PRSS12: variants seen among roughly 807,000 people sequenced by gnomAD.
PRSS12 encodes the protein neurotrypsin.
PRSS12 carries 85 observed loss-of-function variants against 104.4 expected under a neutral mutation model. The ratio of observed to expected loss-of-function variants is 0.81; its 90% CI spans 0.68 to 0.98. The LOEUF (loss-of-function observed/expected upper bound fraction) is 0.98, where lower values mean the gene tolerates loss of function less well. Ranked by LOEUF, PRSS12 falls within the 50% of genes least tolerant of loss-of-function variation. PRSS12 has a pLI of 0.00. For synonymous variants in PRSS12, 454 were observed against 425.2 expected (o/e 1.07, Z -0.83); for missense variants, 1,141 against 1,139.2 (o/e 1.00, Z -0.02).
At chr4:118,344,831 G>A (rs1387322086) in intron 1 of PRSS12, among the ~76,000 whole-genome samples, 1 of 152,094 alleles carries the variant, frequency 6.6e-6, no homozygotes, top group Non-Finnish European at 1.5e-5. Context: ...CCATGGTTAA[G>A]CTATAGTAGG....
At chr4:118,284,075 T>C (rs529107018) in intron 11 of PRSS12, among the ~76,000 whole-genome samples, 11 of 152,298 alleles carry the variant, frequency 7.2e-5, no homozygotes, top group Admixed American at 2.6e-4. Context: ...ATGATTCTGA[T>C]ACCAAACCCA....
chr4:118,313,164 G>C, intron 7 of PRSS12, 37 bp downstream of exon 7: 1 of 1,607,900 alleles, frequency 6.2e-7, no homozygotes, highest in Non-Finnish European at 8.5e-7. Context: ...AATGGCTACT[G>C]AATGATGGAA....
At position 118,282,261 on chromosome 4, in the gene PRSS12, C is replaced by G; in HGVS notation, c.2321-18G>C. 2 of 1,614,028 alleles carry G rather than the reference C, an allele frequency of 1.2e-6. No individual in the cohort carries two copies. Among genetic ancestry groups the G allele is most frequent in the Non-Finnish European group, 1.7e-6 (2 of 1,179,966 alleles). On this transcript the variant is annotated intron_variant, in intron 12 of 12. Transcript: ENST00000296498. Reference sequence around the variant, plus strand: ...GGCTCGTCCTACTCAGACCAAACATCTGATTAGTGGCATTCCAGATAACCA... The same window carrying G: ...GGCTCGTCCTACTCAGACCAAACATGTGATTAGTGGCATTCCAGATAACCA...
At position 118,350,808 on chromosome 4, in the gene PRSS12, C is replaced by T. The variant is rs148218913; in HGVS notation, c.502+1411G>A. On this transcript the variant is annotated intron_variant, in intron 1 of 12. Transcript: ENST00000296498. ...TTAAATTACTTTTCTTGAGTCTGTGCTTATGTACTTAAAGAGAAGTTGTAT... is the reference window on the plus strand; with the variant it reads ...TTAAATTACTTTTCTTGAGTCTGTGTTTATGTACTTAAAGAGAAGTTGTAT... 2.6e-5 allele frequency among the ~76,000 whole-genome samples: 4 copies of T among 152,278 alleles called. No homozygotes were observed. In the East Asian group the frequency reaches 5.8e-4, roughly 22 times the overall value.
intron 11 of PRSS12, among the ~76,000 whole-genome samples, chr4:118,292,786 G>A (rs796978115): frequency 9.2e-5 from 14 of 152,008 alleles, no homozygotes; most frequent in South Asian, 2.1e-4. Context: ...GAAGCAAGGC[G>A]GGCAGATCAC....
intron 9 of PRSS12, 35 bp from the exon 10 acceptor site, chr4:118,295,891 C>T: frequency 1.3e-6 from 2 of 1,560,154 alleles, no homozygotes; most frequent in South Asian, 2.2e-5. Context: ...TAAACTATCA[C>T]ATTGCTGACA....
intron 11 of PRSS12, among the ~76,000 whole-genome samples, chr4:118,285,075 A>AC (rs902426310): frequency 9.2e-5 from 14 of 152,308 alleles, no homozygotes; most frequent in Middle Eastern, 3.4e-3. Flanking sequence ...TATATGATTA[A>AC]CTGTCAGCGC....
At chr4:118,312,214 T>C (rs927140565) in intron 7 of PRSS12, among the ~76,000 whole-genome samples, 3 of 152,160 alleles carry the variant, frequency 2.0e-5, no homozygotes, top group Non-Finnish European at 2.9e-5. Flanking sequence ...ATATGGTTAA[T>C]ACTCTGAGGT....
intron 8 of PRSS12, among the ~76,000 whole-genome samples, chr4:118,300,488 ATAAAT>A (rs1433015029): frequency 1.9e-4 from 29 of 152,214 alleles, no homozygotes; most frequent in African/African-American, 7.0e-4. Flanking sequence ...TCAATTTCTG[ATAAAT>A]TAATGAAATA....
intron 12 of PRSS12, 149 bp downstream of exon 12, chr4:118,282,682 G>C: frequency 9.5e-7 from 1 of 1,057,116 alleles, no homozygotes; most frequent in Admixed American, 1.7e-5. Flanking sequence ...CAGAATATAA[G>C]TCTCAATTAC....
intron 1 of PRSS12, among the ~76,000 whole-genome samples, chr4:118,338,715 T>C (rs1724123451): frequency 6.6e-6 from 1 of 152,184 alleles, no homozygotes; most frequent in Non-Finnish European, 1.5e-5. Context: ...TTATCATTTA[T>C]TACCTTCCTC....
chr4:118,300,442 GAAAT>G (rs1207462315), intron 8 of PRSS12, among the ~76,000 whole-genome samples: 1 of 152,040 alleles, frequency 6.6e-6, no homozygotes, highest in Non-Finnish European at 1.5e-5. Context: ...ATATTTAAAT[GAAAT>G]AAATATTTCA....
At chr4:118,338,759 C>A (rs572974720) in intron 1 of PRSS12, among the ~76,000 whole-genome samples, 3 of 152,162 alleles carry the variant, frequency 2.0e-5, no homozygotes, top group South Asian at 2.1e-4. Context: ...AACACAGAAA[C>A]AAAATTAAAT....
intron 8 of PRSS12, among the ~76,000 whole-genome samples, chr4:118,307,691 A>G (rs939205110): frequency 6.6e-6 from 1 of 152,040 alleles, no homozygotes; most frequent in African/African-American, 2.4e-5. Flanking sequence ...CTCCTCTCAC[A>G]CTGTAAACAA....
intron 7 of PRSS12, among the ~76,000 whole-genome samples, chr4:118,312,608 T>G (rs1743774799): frequency 6.6e-6 from 1 of 152,060 alleles, no homozygotes; most frequent in South Asian, 2.1e-4. Flanking sequence ...CCAAAAAGTC[T>G]AAAAAAATGT....
rs188753205 is a variant in PRSS12 at position 118,285,386 on chromosome 4, T to G, written c.2040-2275A>C. 5.3e-3 allele frequency among the ~76,000 whole-genome samples: 802 copies of G among 152,358 alleles called. 14 individuals are homozygous for G. The highest frequency in any genetic ancestry group is 0.018 in the African/African-American group (759 of 41,582). On this transcript the variant is annotated intron_variant, in intron 11 of 12. Transcript: ENST00000296498. Reference sequence around the variant, plus strand: ...GTGTGCTAGTAATATCGCTAGTATATTCATTAAATTTTATTAACAGTACAT... The same window carrying G: ...GTGTGCTAGTAATATCGCTAGTATAGTCATTAAATTTTATTAACAGTACAT...
At position 118,331,789 on chromosome 4, in the gene PRSS12, G is replaced by A. The variant is rs1359846350; in HGVS notation, c.898C>T (p.Gln300Ter). 6.2e-7 allele frequency: 1 copy of A among 1,614,034 alleles called. No homozygotes were observed. The highest frequency in any genetic ancestry group is 8.5e-7 in the Non-Finnish European group (1 of 1,180,038). Residue 300 changes from glutamine to a stop codon, truncating the protein, a stop_gained, in exon 4 of 13, where the codon CAG becomes TAG. Transcript: ENST00000296498. LOFTEE classifies it high-confidence loss of function. ...TGGTCATCACAAACGGTTCCCCACTGGCCAGCATGGTAGAGCTCCACCCGG... is the reference window on the plus strand; with the variant it reads ...TGGTCATCACAAACGGTTCCCCACTAGCCAGCATGGTAGAGCTCCACCCGG... Reference protein sequence around the residue: ...EGRVELYHAGQWGTVCDDQWD... With the variant: ...EGRVELYHAG
intron 1 of PRSS12, among the ~76,000 whole-genome samples, chr4:118,339,989 T>C (rs1724159902): frequency 6.6e-6 from 1 of 152,214 alleles, no homozygotes; most frequent in Non-Finnish European, 1.5e-5. Context: ...ATAGTTCTAG[T>C]AATGAAAACA....
intron 4 of PRSS12, among the ~76,000 whole-genome samples, chr4:118,329,043 C>T (rs1723853951): frequency 1.3e-5 from 2 of 152,226 alleles, no homozygotes; most frequent in East Asian, 1.9e-4. Context: ...CCACCCACCT[C>T]GGCCTCCCAA....
Sources: gnomAD v4.1 joint callset for allele counts (sites outside exome capture counted in the v4.1 genomes callset) on GRCh38, gnomAD v4.1.1 for gene constraint, MANE v1.5 for transcripts, NCBI Gene and HGNC (gene_info 2026-07-23, HGNC 2026-07-21) for gene names.